NECTIN3: variants seen among roughly 807,000 people sequenced by gnomAD.
NECTIN3 encodes the protein nectin cell adhesion molecule 3.
In NECTIN3, 8 loss-of-function variants were observed where a neutral mutation model predicts 49.4. The ratio of observed to expected loss-of-function variants is 0.16; its 90% CI spans 0.10 to 0.29. The LOEUF (loss-of-function observed/expected upper bound fraction) is 0.29. NECTIN3 is among the 10% of genes least tolerant of loss of function. The pLI is 1.00. For synonymous variants in NECTIN3, 277 were observed against 241.1 expected (o/e 1.15, Z -1.38); for missense variants, 581 against 654.6 (o/e 0.89, Z 1.23).
At chr3:111,142,336 A>G (rs1447460014), downstream of NECTIN3, among the ~76,000 whole-genome samples, 3 of 151,842 alleles carry the variant, frequency 2.0e-5, no homozygotes, top group African/African-American at 4.8e-5. Flanking sequence ...TGCTCATTTC[A>G]GCAGCTACCA....
intron 3 of NECTIN3, among the ~76,000 whole-genome samples, chr3:111,120,740 A>C (rs1222368684): frequency 6.6e-6 from 1 of 152,106 alleles, no homozygotes. Context: ...TAGCTCACAG[A>C]AAGCTAGAGA....
chr3:111,174,217 C>T (rs553075896), intron 7 of NECTIN3, among the ~76,000 whole-genome samples: 1 of 152,252 alleles, frequency 6.6e-6, no homozygotes, highest in African/African-American at 2.4e-5. Context: ...CCTCTGAACC[C>T]CTGTCATTTC....
At chr3:111,143,722 CG>C (rs1217493440) in intron 5 of NECTIN3, among the ~76,000 whole-genome samples, 1 of 151,820 alleles carries the variant, frequency 6.6e-6, no homozygotes, top group Non-Finnish European at 1.5e-5. Flanking sequence ...CTTCATTAGT[CG>C]GCGTTATATA....
chr3:111,072,949 T>G (rs2030898569), intron 1 of NECTIN3: 1 of 165,836 alleles, frequency 6.0e-6, no homozygotes, highest in African/African-American at 2.4e-5. Context: ...ACTGTTTTCC[T>G]GTCATATTTG....
In NECTIN3 at chr3:111,135,677, G is replaced by A; in HGVS notation, c.*1462G>A. On this transcript the variant is annotated 3_prime_UTR_variant, in exon 6 of 6. Coordinates refer to ENST00000485303, the MANE Select transcript of NECTIN3 (RefSeq NM_015480.3). ...ATTTTGTTAATAAAAAGGCAAAGTA[G>A]TAGGTACTTTTTAAACCCTCCCAAC... is the stretch of plus-strand genomic sequence containing the variant. 1.0e-5 allele frequency: 10 copies of A among 959,836 alleles called. No individual in the cohort carries two copies. The highest frequency in any genetic ancestry group is 1.2e-5 in the Non-Finnish European group (10 of 806,830). The allele number at this position is 959,836 out of a possible 1,614,324, so 59.5% of individuals were successfully genotyped here.
chr3:111,113,224 C>G (rs1342407115), intron 2 of NECTIN3, among the ~76,000 whole-genome samples: 1 of 152,140 alleles, frequency 6.6e-6, no homozygotes, highest in Non-Finnish European at 1.5e-5. Flanking sequence ...AGTGATTGAA[C>G]AAGATAGTGG....
At chr3:111,094,895 A>G (rs552610803) in intron 1 of NECTIN3, among the ~76,000 whole-genome samples, 1 of 152,352 alleles carries the variant, frequency 6.6e-6, no homozygotes, top group South Asian at 2.1e-4. Context: ...AGTTAATGGT[A>G]GAACCCCTCC....
intron 1 of NECTIN3, among the ~76,000 whole-genome samples, chr3:111,096,639 T>C (rs1013315543): frequency 7.2e-5 from 11 of 152,188 alleles, no homozygotes; most frequent in Non-Finnish European, 1.5e-4. Context: ...GTATGCAGTC[T>C]AGGACTTAGT....
rs1334588772 is a variant in NECTIN3, at chr3:111,118,596, G to A, written c.503-60G>A. Reference sequence around the variant, plus strand: ...GTGAAATATGTTTAGATGTGACTTGGAAAGATATAAACATATTCTTGTTTG... The same window carrying A: ...GTGAAATATGTTTAGATGTGACTTGAAAAGATATAAACATATTCTTGTTTG... On this transcript the variant is annotated intron_variant, in intron 2 of 5. Coordinates refer to ENST00000485303, the MANE Select transcript of NECTIN3 (RefSeq NM_015480.3). 6.5e-6 allele frequency: 9 copies of A among 1,389,246 alleles called. No individual in the cohort carries two copies. The Admixed American group carries it at 8.2e-5, about 13-fold the overall frequency. 86.1% of individuals were successfully genotyped at this position (1,389,246 alleles called of 1,614,324 possible).
upstream of NECTIN3, chr3:111,192,266 T>G: frequency 1.7e-6 from 2 of 1,206,938 alleles, no homozygotes; most frequent in Non-Finnish European, 1.2e-6. Flanking sequence ...AAGACATGAT[T>G]GGCTCTTTTA....
At chr3:111,077,581 A>G (rs1009936091) in intron 1 of NECTIN3, among the ~76,000 whole-genome samples, 2 of 150,912 alleles carry the variant, frequency 1.3e-5, no homozygotes, top group Non-Finnish European at 3.0e-5. Context: ...GGGCCCCACT[A>G]TGGACTTACT....
chr3:111,083,208 G>A (rs887421683), intron 1 of NECTIN3, among the ~76,000 whole-genome samples: 24 of 152,140 alleles, frequency 1.6e-4, no homozygotes, highest in African/African-American at 5.8e-4. Context: ...TAGTGAAGGA[G>A]AGTAGGGACA....
At chr3:111,077,261 G>A in intron 1 of NECTIN3, 1 of 423,560 alleles carries the variant, frequency 2.4e-6, no homozygotes, top group Non-Finnish European at 4.8e-6. Context: ...AGTTGAGTAG[G>A]GAAGACCTGT....
chr3:111,103,881 G>T (rs568595999), intron 1 of NECTIN3, among the ~76,000 whole-genome samples: 20 of 152,060 alleles, frequency 1.3e-4, no homozygotes, highest in Non-Finnish European at 1.8e-4. Context: ...CATTGTATGG[G>T]TTTACCACAA....
At chr3:111,126,106 T>G (rs2034154120) in intron 4 of NECTIN3, 78 bp from the exon 5 acceptor site, 1 of 1,015,824 alleles carries the variant, frequency 9.8e-7, no homozygotes, top group South Asian at 2.9e-5. Flanking sequence ...CTCAAACATA[T>G]AATGCCTCAT....
downstream of NECTIN3, among the ~76,000 whole-genome samples, chr3:111,141,419 A>C (rs1298186897): frequency 6.6e-6 from 1 of 151,972 alleles, no homozygotes. Context: ...CATATGTTTC[A>C]ATAGCTTTAC....
At chr3:111,116,348 T>C (rs1419170568) in intron 2 of NECTIN3, among the ~76,000 whole-genome samples, 1 of 152,176 alleles carries the variant, frequency 6.6e-6, no homozygotes, top group East Asian at 1.9e-4. Flanking sequence ...TTTTAGTTTC[T>C]CCTAAGGACA....
chr3:111,168,181 A>T (rs1414952403), intron 7 of NECTIN3, among the ~76,000 whole-genome samples: 2 of 151,466 alleles, frequency 1.3e-5, no homozygotes, highest in Admixed American at 1.3e-4. Context: ...AAAAAATAAC[A>T]TACAAAGAGC....
intron 1 of NECTIN3, among the ~76,000 whole-genome samples, chr3:111,089,442 C>CAGAAGAAGTGTTT: frequency 6.7e-6 from 1 of 149,920 alleles, no homozygotes; most frequent in East Asian, 2.0e-4. Context: ...TGTATATAAA[C>CAGAAGAAGTGTTT]ATATACATAC....
Sources: allele counts gnomAD v4.1 joint callset (sites outside exome capture counted in the v4.1 genomes callset), GRCh38; gene constraint gnomAD v4.1.1; transcripts MANE v1.5; gene names NCBI Gene and HGNC (gene_info 2026-07-23, HGNC 2026-07-21).